CABYR: variants seen among roughly 807,000 people sequenced by gnomAD.
The protein encoded by CABYR is calcium-binding tyrosine phosphorylation-regulated protein.
In CABYR, 31 loss-of-function variants were observed where a neutral mutation model predicts 36.1. The ratio of observed to expected loss-of-function variants is 0.86; its 90% CI spans 0.64 to 1.16. The LOEUF (loss-of-function observed/expected upper bound fraction) is 1.16. Ranked by LOEUF, CABYR falls within the 50% of genes most tolerant of loss-of-function variation. CABYR has a pLI of 0.00. For missense variants in CABYR, 429 were observed against 455.8 expected, an observed-to-expected ratio of 0.94 and a Z score of 0.53; for synonymous variants, 146 against 160.7, an observed-to-expected ratio of 0.91 and a Z score of 0.69.
At chr18:24,150,770 T>G (rs976595592) in intron 3 of CABYR, 1 of 91,274 alleles carries the variant, frequency 1.1e-5, no homozygotes, top group Non-Finnish European at 1.8e-5. Flanking sequence ...GTTTTTTTGT[T>G]TTTTTGTTTT....
At chr18:24,142,514 A>C (rs2085348846) in intron 1 of CABYR, among the ~76,000 whole-genome samples, 1 of 152,130 alleles carries the variant, frequency 6.6e-6, no homozygotes, top group Non-Finnish European at 1.5e-5. Context: ...AATTTTACAG[A>C]GGCAGGTCTT....
At chr18:24,156,077 T>C (rs529550033) in intron 4 of CABYR, 35 bp downstream of exon 4, 1 of 1,614,186 alleles carries the variant, frequency 6.2e-7, no homozygotes, top group East Asian at 2.2e-5. Context: ...ATCAATCTGA[T>C]GTGTTAATGG....
At chr18:24,161,074 A>AAAAC (rs2085963782) in intron 5 of CABYR, among the ~76,000 whole-genome samples, 3 of 148,690 alleles carry the variant, frequency 2.0e-5, no homozygotes, top group Admixed American at 2.0e-4. Context: ...TGCTATGTGG[A>AAAAC]AAACAGATTA....
At chr18:24,160,585 A>ATCAC (rs1213384092) in intron 5 of CABYR, among the ~76,000 whole-genome samples, 17 of 152,360 alleles carry the variant, frequency 1.1e-4, no homozygotes, top group African/African-American at 4.1e-4. Flanking sequence ...AGACAGTTTG[A>ATCAC]TCACTCACAA....
At chr18:24,145,452 T>C (rs1302761749) in intron 3 of CABYR, among the ~76,000 whole-genome samples, 2 of 152,180 alleles carry the variant, frequency 1.3e-5, no homozygotes, top group African/African-American at 4.8e-5. Flanking sequence ...CAGGGAAATA[T>C]AGCCCAAGCA....
intron 1 of CABYR, among the ~76,000 whole-genome samples, 173 bp downstream of exon 1, chr18:24,139,291 C>T (rs2085241307): frequency 6.6e-6 from 1 of 152,054 alleles, no homozygotes; most frequent in Non-Finnish European, 1.5e-5. Flanking sequence ...GACCAGACGG[C>T]CAGCTGCCGA....
Position 24,143,376 on chromosome 18 carries a change from T to C in CABYR, c.162T>C (p.Asp54=). 1 of 1,582,958 alleles carries C rather than the reference T, an allele frequency of 6.3e-7. No individual in the cohort carries two copies. Among genetic ancestry groups the C allele is most frequent in the Non-Finnish European group, 8.6e-7 (1 of 1,157,956 alleles). ...LTMYRGNTTM[D]IKDLVKQFHQ... The stretch of plus-strand genomic sequence containing the variant: ...TTCCTTCAGGGAATACTACTATGGA[T>C]ATAAAAGATCTGGTTAAACAATTTC... Residue 54 remains aspartate, a synonymous_variant, in exon 3 of 6, where the codon GAT becomes GAC. Coordinates refer to ENST00000399496, the MANE Select transcript of CABYR (RefSeq NM_153769.3).
intron 3 of CABYR, among the ~76,000 whole-genome samples, chr18:24,149,114 G>A (rs1317978969): frequency 6.6e-6 from 1 of 152,104 alleles, no homozygotes; most frequent in East Asian, 1.9e-4. Flanking sequence ...TAGATACAGA[G>A]TGTGGACACA....
chr18:24,155,839 C>T lies in CABYR; in HGVS notation c.338C>T (p.Thr113Ile). 3.1e-6 allele frequency: 5 copies of T among 1,614,168 alleles called. No homozygotes were observed. The highest frequency in any genetic ancestry group is 4.2e-6 in the Non-Finnish European group (5 of 1,180,026). ...TDTDEDNVTRTEYSDKTTQFP... is the reference protein window; with the variant it reads ...TDTDEDNVTRIEYSDKTTQFP... ...ACAGACGAGGACAATGTAACCAGAA[C>T]AGAATATAGTGACAAAACCACCCAG... The change falls in exon 4 of 6, where the codon ACA becomes ATA. Residue 113 changes from threonine to isoleucine, a missense_variant. Coordinates refer to ENST00000399496, the MANE Select transcript of CABYR (RefSeq NM_153769.3).
chr18:24,155,611 T>C, intron 3 of CABYR, 90 bp from the exon 4 acceptor site: 3 of 964,228 alleles, frequency 3.1e-6, no homozygotes, highest in Non-Finnish European at 4.6e-6. Context: ...CATGAGCCAC[T>C]ACATCCCTAT....
rs111994740 is a variant in CABYR at position 24,156,940 on chromosome 18, C to T, written c.541+898C>T. 56 of 1,612,234 alleles carry T rather than the reference C, an allele frequency of 3.5e-5. 1 individual carries two copies. In the African/African-American group the frequency reaches 5.6e-4, roughly 16 times the overall value. On this transcript the variant is annotated intron_variant, in intron 4 of 5. Transcript: ENST00000399496. Reference sequence around the variant, plus strand: ...TTCCCTCCTGCTCCAGAAGGCCTTACTGCACCAGAAATTGAACCAGAAGGG... The same window carrying T: ...TTCCCTCCTGCTCCAGAAGGCCTTATTGCACCAGAAATTGAACCAGAAGGG...
In CABYR at chr18:24,161,124, G is replaced by T. The variant is rs1231552697; in HGVS notation, c.*-392G>T. The stretch of plus-strand genomic sequence containing the variant: ...GTCAACAGAGGAAGTAGGGAGATGA[G>T]TTGAAAGTACAGAAGTGTTATACAC... On this transcript the variant is annotated intron_variant, in intron 5 of 5. Coordinates refer to ENST00000399496, the MANE Select transcript of CABYR (RefSeq NM_153769.3). 2.0e-5 allele frequency among the ~76,000 whole-genome samples: 3 copies of T among 152,176 alleles called. No homozygotes were observed. In the East Asian group the frequency reaches 5.8e-4, roughly 29 times the overall value.
intron 3 of CABYR, among the ~76,000 whole-genome samples, chr18:24,146,915 A>G (rs1169191900): frequency 6.6e-6 from 1 of 152,200 alleles, no homozygotes; most frequent in East Asian, 1.9e-4. Flanking sequence ...TATCCTTTAA[A>G]AAACGAATGC....
At chr18:24,159,207 A>G (rs903944247) in intron 4 of CABYR, among the ~76,000 whole-genome samples, 11 of 152,242 alleles carry the variant, frequency 7.2e-5, no homozygotes, top group African/African-American at 2.7e-4. Context: ...AAGTAGCTGG[A>G]AACTGCAACT....
At chr18:24,152,288 G>A (rs1268371419) in intron 3 of CABYR, among the ~76,000 whole-genome samples, 1 of 152,098 alleles carries the variant, frequency 6.6e-6, no homozygotes, top group East Asian at 1.9e-4. Flanking sequence ...AGTGCTTTCA[G>A]ATGCATTATT....
At chr18:24,149,558 C>G (rs921290069) in intron 3 of CABYR, among the ~76,000 whole-genome samples, 7 of 152,226 alleles carry the variant, frequency 4.6e-5, no homozygotes, top group Non-Finnish European at 2.9e-5. Context: ...CGCCTGCACT[C>G]CTCAGCCCTT....
chr18:24,146,545 T>TA (rs377589563), intron 3 of CABYR, among the ~76,000 whole-genome samples: 14,549 of 139,418 alleles, frequency 0.1, 963 homozygotes, highest in Middle Eastern at 0.28. Flanking sequence ...CAAGACTGTC[T>TA]AAAAAAAAAA....
intron 4 of CABYR, among the ~76,000 whole-genome samples, chr18:24,158,950 T>C (rs1001053344): frequency 6.6e-5 from 10 of 152,166 alleles, no homozygotes; most frequent in African/African-American, 2.4e-4. Context: ...CAATCCTAGA[T>C]TATGTGACGT....
intron 5 of CABYR, among the ~76,000 whole-genome samples, chr18:24,160,499 C>T (rs2085931939): frequency 6.6e-6 from 1 of 152,060 alleles, no homozygotes; most frequent in African/African-American, 2.4e-5. Context: ...ACTTAATCCA[C>T]GTGGTAAGAG....
Sources: gnomAD v4.1 joint callset for allele counts (sites outside exome capture counted in the v4.1 genomes callset) on GRCh38, gnomAD v4.1.1 for gene constraint, MANE v1.5 for transcripts, NCBI Gene and HGNC (gene_info 2026-07-23, HGNC 2026-07-21) for gene names.